The following MVB12B variants were observed in gnomAD, a reference collection of about 807,000 sequenced individuals.
MVB12B encodes the protein multivesicular body subunit 12B.
Under a neutral mutation model 41.6 loss-of-function variants are expected in MVB12B, and 16 were observed. The ratio of observed to expected loss-of-function variants is 0.38; its 90% confidence interval spans 0.26 to 0.58. MVB12B has a LOEUF of 0.58. MVB12B is among the 20% of genes least tolerant of loss of function. The probability of loss-of-function intolerance (pLI) is 0.62; values close to 1 mark genes in which losing one functional copy is unlikely to be tolerated. For missense variants in MVB12B, 274 were observed against 380.2 expected, an observed-to-expected ratio of 0.72 and a Z score of 2.32; for synonymous variants, 133 against 139.7, an observed-to-expected ratio of 0.95 and a Z score of 0.34.
At chr9:126,369,330 G>A (rs200695325) in intron 2 of MVB12B, among the ~76,000 whole-genome samples, 64 of 152,262 alleles carry the variant, frequency 4.2e-4, no homozygotes, top group Non-Finnish European at 3.8e-4. Context: ...AAATTAAAAA[G>A]TTATGTTACA....
intron 1 of MVB12B, among the ~76,000 whole-genome samples, chr9:126,337,585 G>A (rs374905472): frequency 2.0e-5 from 3 of 152,182 alleles, no homozygotes; most frequent in East Asian, 1.9e-4. Context: ...ACCAGACCTA[G>A]GGAGGAAGAC....
At chr9:126,499,943 C>G (rs1833918961) in intron 9 of MVB12B, among the ~76,000 whole-genome samples, 1 of 151,950 alleles carries the variant, frequency 6.6e-6, no homozygotes. Flanking sequence ...TGTCCCCACT[C>G]CTGGCCACAG....
chr9:126,428,930 C>T (rs1198258330), intron 7 of MVB12B, among the ~76,000 whole-genome samples: 2 of 151,988 alleles, frequency 1.3e-5, no homozygotes, highest in South Asian at 2.1e-4. Context: ...CATTTCTGAC[C>T]CTGGCTTCCC....
At chr9:126,387,681 T>C (rs1456252729) in intron 4 of MVB12B, among the ~76,000 whole-genome samples, 6 of 152,264 alleles carry the variant, frequency 3.9e-5, no homozygotes, top group Non-Finnish European at 8.8e-5. Flanking sequence ...ATGTATTACC[T>C]GATAATCATA....
In MVB12B at chr9:126,480,472, C is replaced by T. The variant is rs116292612; in HGVS notation, c.758-897C>T. Among the ~76,000 whole-genome samples, 1,295 of 152,252 alleles carry T rather than the reference C, an allele frequency of 8.5e-3. 24 individuals carry two copies. Among genetic ancestry groups the T allele is most frequent in the African/African-American group, 0.03 (1,246 of 41,532 alleles). On this transcript the variant is annotated intron_variant, in intron 7 of 9. Transcript: ENST00000361171. The surrounding 1 kb of genome is among the most constrained non-coding windows in gnomAD (Gnocchi z 4.9). ...TAATTCATAGAGAAGTGCTCACTTACGGAGGCACACCCTGGGTCGTTTCTG... is the reference window on the plus strand; with the variant it reads ...TAATTCATAGAGAAGTGCTCACTTATGGAGGCACACCCTGGGTCGTTTCTG...
intron 7 of MVB12B, among the ~76,000 whole-genome samples, chr9:126,476,505 TG>T (rs1445266529): frequency 6.6e-6 from 1 of 152,188 alleles, no homozygotes; most frequent in African/African-American, 2.4e-5. Flanking sequence ...TAATCATATG[TG>T]GGTGTGTGTA....
chr9:126,483,916 A>C (rs1833580320), intron 8 of MVB12B, 57 bp from the exon 9 acceptor site: 1 of 1,570,000 alleles, frequency 6.4e-7, no homozygotes, highest in Non-Finnish European at 8.8e-7. Flanking sequence ...CATAAAAGTA[A>C]GTGTGGGAGG....
At chr9:126,393,562 A>G (rs1316239024) in intron 5 of MVB12B, among the ~76,000 whole-genome samples, 3 of 152,242 alleles carry the variant, frequency 2.0e-5, no homozygotes, top group African/African-American at 7.2e-5. Context: ...CTGAGCAGGA[A>G]GTAGGATCAG....
chr9:126,442,757 C>T (rs1832671176), intron 7 of MVB12B, among the ~76,000 whole-genome samples: 1 of 152,134 alleles, frequency 6.6e-6, no homozygotes, highest in South Asian at 2.1e-4. Context: ...GCTCTTAAAG[C>T]TTCTGGCCAT....
chr9:126,375,264 A>G (rs2118940027), intron 2 of MVB12B, among the ~76,000 whole-genome samples: 1 of 151,862 alleles, frequency 6.6e-6, no homozygotes, highest in South Asian at 2.1e-4. Flanking sequence ...TTTTTCTTGG[A>G]ATTAATCAGA....
At chr9:126,410,196 CATGT>C (rs1289905803) in intron 6 of MVB12B, among the ~76,000 whole-genome samples, 1 of 150,640 alleles carries the variant, frequency 6.6e-6, no homozygotes, top group African/African-American at 2.4e-5. Flanking sequence ...CGCATGCATG[CATGT>C]GTGTATGTGT....
intron 1 of MVB12B, 154 bp downstream of exon 1, chr9:126,327,164 G>A (rs1206506897): frequency 1.3e-6 from 1 of 759,374 alleles, no homozygotes; most frequent in Non-Finnish European, 1.6e-6. Context: ...GGCCCGCGGC[G>A]GGGACAGGCC....
intron 2 of MVB12B, among the ~76,000 whole-genome samples, chr9:126,366,329 G>A (rs1032460389): frequency 4.0e-5 from 6 of 151,814 alleles, no homozygotes; most frequent in Admixed American, 2.0e-4. Flanking sequence ...GGTTACTGTT[G>A]ACCAATTTCC....
chr9:126,359,735 C>T (rs1305049700), intron 2 of MVB12B, among the ~76,000 whole-genome samples: 1 of 152,082 alleles, frequency 6.6e-6, no homozygotes, highest in Non-Finnish European at 1.5e-5. Flanking sequence ...GGAGAATGTA[C>T]TCTCTTTTAT....
chr9:126,407,418 G>A (rs1208167658), intron 6 of MVB12B, among the ~76,000 whole-genome samples: 5 of 152,134 alleles, frequency 3.3e-5, no homozygotes, highest in Non-Finnish European at 7.3e-5. Context: ...TTCCTGTCAC[G>A]TTCAATAGGA....
At chr9:126,469,319 G>A (rs1236671033) in intron 7 of MVB12B, among the ~76,000 whole-genome samples, 1 of 152,206 alleles carries the variant, frequency 6.6e-6, no homozygotes, top group Non-Finnish European at 1.5e-5. Flanking sequence ...AGGGATCAGC[G>A]GCTCCGGATT....
At chr9:126,377,660 A>C (rs1830519064) in intron 2 of MVB12B, among the ~76,000 whole-genome samples, 1 of 151,946 alleles carries the variant, frequency 6.6e-6, no homozygotes, top group African/African-American at 2.4e-5. Flanking sequence ...ACAGGGGGTA[A>C]AATGGCAAGC....
chr9:126,483,964 T>C lies in MVB12B; in HGVS notation c.814-9T>C. On this transcript the variant is annotated splice_polypyrimidine_tract_variant and intron_variant, in intron 8 of 9. Coordinates refer to ENST00000361171, the MANE Select transcript of MVB12B (RefSeq NM_033446.3). ...CTATTTAAAAGGGCAACTTCATCTG[T>C]GTTTTCAGATGCAGCCCTTTGATCT... 5 of 1,613,920 alleles carry C rather than the reference T, an allele frequency of 3.1e-6. No homozygotes were observed. The highest frequency in any genetic ancestry group is 3.4e-6 in the Non-Finnish European group (4 of 1,179,828).
chr9:126,481,206 T>G (rs1588204233), intron 7 of MVB12B, 163 bp from the exon 8 acceptor site: 1 of 673,250 alleles, frequency 1.5e-6, no homozygotes, highest in Non-Finnish European at 2.6e-6. Flanking sequence ...GCAGCAGGGG[T>G]GGGACCTGTC....
Sources: allele counts gnomAD v4.1 joint callset (sites outside exome capture counted in the v4.1 genomes callset), GRCh38; gene constraint gnomAD v4.1.1; non-coding constraint Gnocchi (gnomAD v3.1); transcripts MANE v1.5; gene names NCBI Gene and HGNC (gene_info 2026-07-23, HGNC 2026-07-21).